The following LRRC4C variants were observed in gnomAD, a reference collection of about 807,000 sequenced individuals.
The protein encoded by LRRC4C is leucine rich repeat containing 4C, also known as leucine-rich repeat-containing protein 4C.
Under a neutral mutation model 33.6 loss-of-function variants are expected in LRRC4C, and 5 were observed. The observed-to-expected ratio is 0.15, with a 90% CI of 0.08 to 0.31. The LOEUF is 0.31. Ranked by LOEUF, LRRC4C falls within the 10% of genes least tolerant of loss-of-function variation. LRRC4C has a pLI of 1.00. For synonymous variants in LRRC4C, 329 were observed against 302.0 expected (o/e 1.09, Z -0.93); for missense variants, 560 against 796.7 (o/e 0.70, Z 3.58).
chr11:41,057,037 G>A (rs1156877992), intron 1 of LRRC4C, among the ~76,000 whole-genome samples: 1 of 152,170 alleles, frequency 6.6e-6, no homozygotes, highest in Non-Finnish European at 1.5e-5. Flanking sequence ...GAGCAGGCAG[G>A]AGCCCCACCC....
At chr11:40,708,211 C>T (rs1296823018) in intron 2 of LRRC4C, among the ~76,000 whole-genome samples, 2 of 152,112 alleles carry the variant, frequency 1.3e-5, no homozygotes, top group Non-Finnish European at 2.9e-5. Context: ...TCTCTATCTC[C>T]TTCAGTTCTG....
chr11:40,706,875 C>T (rs928524089), intron 2 of LRRC4C, among the ~76,000 whole-genome samples: 1 of 152,180 alleles, frequency 6.6e-6, no homozygotes, highest in Non-Finnish European at 1.5e-5. Context: ...TGTAACCTCT[C>T]TTTTATTTCA....
At chr11:41,362,101 C>T (rs1288923010) in intron 1 of LRRC4C, among the ~76,000 whole-genome samples, 3 of 152,084 alleles carry the variant, frequency 2.0e-5, no homozygotes, top group Non-Finnish European at 4.4e-5. Context: ...GTTTAAAATG[C>T]TCAAGATATG....
chr11:40,503,862 T>G (rs1313721473), intron 3 of LRRC4C, among the ~76,000 whole-genome samples: 1 of 152,182 alleles, frequency 6.6e-6, no homozygotes, highest in Non-Finnish European at 1.5e-5. Context: ...TCATGATGCT[T>G]TTGATACATT....
chr11:40,377,959 A>G lies in LRRC4C; in HGVS notation c.-269-58238T>C, dbSNP rs538842717. Among the ~76,000 whole-genome samples, 7 of 152,218 alleles carry G rather than the reference A, an allele frequency of 4.6e-5. 1 individual carries two copies. The highest frequency in any genetic ancestry group is 1.4e-4 in the African/African-American group (6 of 41,560). ...AGGAATTACCCAGTACAAAATGTCA[A>G]TACTACTGTGGTTGAGAAACTCTGC... On this transcript the variant is annotated intron_variant, in intron 3 of 6. Transcript: ENST00000528697.
intron 6 of LRRC4C, among the ~76,000 whole-genome samples, chr11:40,117,716 G>T (rs1269438106): frequency 1.3e-5 from 2 of 151,612 alleles, no homozygotes; most frequent in Non-Finnish European, 2.9e-5. Flanking sequence ...AAGGGGAGGG[G>T]GGCCAGTGGG....
chr11:40,319,006 T>C (rs1945713607), intron 4 of LRRC4C, among the ~76,000 whole-genome samples: 1 of 152,186 alleles, frequency 6.6e-6, no homozygotes, highest in South Asian at 2.1e-4. Context: ...TATCTTCGTG[T>C]GCTGTTAGGT....
chr11:40,417,263 C>T (rs1950356987), intron 3 of LRRC4C, among the ~76,000 whole-genome samples: 1 of 152,050 alleles, frequency 6.6e-6, no homozygotes, highest in Non-Finnish European at 1.5e-5. Context: ...TAAACGAACT[C>T]AATACCTAAA....
rs564101953 is a variant in LRRC4C at position 40,599,431 on chromosome 11, G to C, written c.-270+48711C>G. Among the ~76,000 whole-genome samples, 27 of 152,296 alleles carry C rather than the reference G, an allele frequency of 1.8e-4. No individual in the cohort carries two copies. The East Asian group carries it at 5.2e-3, about 29-fold the overall frequency. On this transcript the variant is annotated intron_variant, in intron 3 of 6. Transcript: ENST00000528697. Reference sequence around the variant, plus strand: ...CCACTGCATTTCAGCCTGGGAGACAGAGCGAGACCCTGTCTGAAGAATATG... The same window carrying C: ...CCACTGCATTTCAGCCTGGGAGACACAGCGAGACCCTGTCTGAAGAATATG...
rs117320806 is a variant in LRRC4C, at chr11:41,128,005, C to T, written c.-495-194282G>A. ...GCTGGCCCTGAATCTCTTACCCTTC[C>T]TCTTTAATTCTTCTATCAAAAATGT... is the stretch of plus-strand genomic sequence containing the variant. On this transcript the variant is annotated intron_variant, in intron 1 of 6. Coordinates refer to ENST00000528697, the MANE Select transcript of LRRC4C (RefSeq NM_001258419.2). 4.2e-3 allele frequency among the ~76,000 whole-genome samples: 642 copies of T among 152,204 alleles called. 2 individuals carry two copies. The highest frequency in any genetic ancestry group is 0.014 in the Middle Eastern group (4 of 294).
intron 3 of LRRC4C, among the ~76,000 whole-genome samples, chr11:40,644,059 A>G (rs1942287530): frequency 6.6e-6 from 1 of 152,236 alleles, no homozygotes; most frequent in Non-Finnish European, 1.5e-5. Context: ...GCCATAGACA[A>G]TAAAATAAAA....
intron 1 of LRRC4C, among the ~76,000 whole-genome samples, chr11:41,106,600 C>G (rs1379340756): frequency 6.6e-6 from 1 of 152,094 alleles, no homozygotes; most frequent in African/African-American, 2.4e-5. Flanking sequence ...GTAGGGCATA[C>G]TGCTTATGCT....
chr11:41,208,936 G>T (rs1163847733), intron 1 of LRRC4C, among the ~76,000 whole-genome samples: 1 of 152,124 alleles, frequency 6.6e-6, no homozygotes, highest in African/African-American at 2.4e-5. Flanking sequence ...AGCTGAGAAG[G>T]TGGGGCTGCT....
intron 2 of LRRC4C, among the ~76,000 whole-genome samples, chr11:40,686,209 A>C (rs549587180): frequency 6.6e-6 from 1 of 152,230 alleles, no homozygotes; most frequent in East Asian, 1.9e-4. Context: ...GATAACAATA[A>C]CAGTATCTAC....
chr11:40,299,429 C>G (rs899893567), intron 4 of LRRC4C, among the ~76,000 whole-genome samples: 1 of 152,160 alleles, frequency 6.6e-6, no homozygotes, highest in African/African-American at 2.4e-5. Flanking sequence ...TCTCTAGTAC[C>G]AGCTAGCTTG....
At chr11:40,332,100 G>A (rs949564331) in intron 3 of LRRC4C, among the ~76,000 whole-genome samples, 5 of 152,144 alleles carry the variant, frequency 3.3e-5, no homozygotes, top group African/African-American at 1.2e-4. Flanking sequence ...ATGCACTTTA[G>A]CAGTATATTA....
chr11:40,612,830 C>T (rs1401426192), intron 3 of LRRC4C, among the ~76,000 whole-genome samples: 1 of 151,754 alleles, frequency 6.6e-6, no homozygotes. Context: ...TGGTACCAAG[C>T]TTGAGCATTA....
chr11:40,761,909 C>T (rs1417229557), intron 2 of LRRC4C, among the ~76,000 whole-genome samples: 1 of 152,058 alleles, frequency 6.6e-6, no homozygotes, highest in Non-Finnish European at 1.5e-5. Context: ...AGAAGGCGCT[C>T]AGAGACAAGC....
chr11:40,876,415 T>A (rs1255941673), intron 2 of LRRC4C, among the ~76,000 whole-genome samples: 2 of 152,018 alleles, frequency 1.3e-5, no homozygotes, highest in Non-Finnish European at 2.9e-5. Context: ...AATCCCAGTG[T>A]TCACTTGTCG....
Sources: gnomAD v4.1 joint callset for allele counts (sites outside exome capture counted in the v4.1 genomes callset) on GRCh38, gnomAD v4.1.1 for gene constraint, MANE v1.5 for transcripts, NCBI Gene and HGNC (gene_info 2026-07-23, HGNC 2026-07-21) for gene names.